Variants in CYP4X1 observed in about 807,000 individuals in gnomAD.
The protein encoded by CYP4X1 is cytochrome P450 4X1.
Under a neutral mutation model 57.9 loss-of-function variants are expected in CYP4X1, and 44 were observed. That is an observed-to-expected ratio of 0.76 (90% CI 0.60 to 0.98). The LOEUF (loss-of-function observed/expected upper bound fraction) is 0.98. Ranked by LOEUF, CYP4X1 falls within the 50% of genes least tolerant of loss-of-function variation. The pLI is 0.00. For synonymous variants in CYP4X1, 227 were observed against 228.6 expected (o/e 0.99, Z 0.06); for missense variants, 532 against 623.9 (o/e 0.85, Z 1.57).
At chr1:47,000,232 C>T in the CYP4X1 span, among the ~76,000 whole-genome samples, 5 of 152,118 alleles carry the variant, frequency 3.3e-5, no homozygotes, top group South Asian at 2.1e-4. Flanking sequence ...ATGTAAGGTG[C>T]GCTTTGACTC....
the CYP4X1 span, among the ~76,000 whole-genome samples, chr1:46,981,179 A>G: frequency 6.6e-6 from 1 of 152,206 alleles, no homozygotes; most frequent in Admixed American, 6.5e-5. Context: ...AGAAACTACC[A>G]TCAGAGTGAA....
At chr1:47,006,929 G>C in the CYP4X1 span, among the ~76,000 whole-genome samples, 1 of 152,194 alleles carries the variant, frequency 6.6e-6, no homozygotes, top group African/African-American at 2.4e-5. Flanking sequence ...AAAGCGGCTG[G>C]GAAGCTCAAA....
At chr1:47,034,961 G>A (rs1056933147) in intron 4 of CYP4X1, among the ~76,000 whole-genome samples, 1 of 151,508 alleles carries the variant, frequency 6.6e-6, no homozygotes, top group Non-Finnish European at 1.5e-5. Flanking sequence ...TAAAACTTAC[G>A]TAATTGAGAA....
chr1:47,044,080 G>T (rs1263271297), intron 8 of CYP4X1, among the ~76,000 whole-genome samples: 1 of 152,058 alleles, frequency 6.6e-6, no homozygotes. Context: ...TAATTCATTT[G>T]TATTCAAGGT....
the CYP4X1 span, among the ~76,000 whole-genome samples, chr1:46,997,790 T>A: frequency 0.36 from 55,357 of 152,060 alleles, 11,160 homozygotes; most frequent in East Asian, 0.57. Flanking sequence ...ATGTTTCCCA[T>A]AGGGTTGGAC....
rs888643210 is a variant in CYP4X1, at chr1:47,050,188, A to C, written c.*14A>C. On this transcript the variant is annotated 3_prime_UTR_variant, in exon 12 of 12. Coordinates refer to ENST00000371901, the MANE Select transcript of CYP4X1 (RefSeq NM_178033.2). ...TCTGAATGTTAGATCTCAGGGTACA[A>C]TGATTAAACGTACTTTGTTTTTCGA... 1.9e-6 allele frequency: 3 copies of C among 1,613,190 alleles called. No homozygotes were observed. The African/African-American group carries it at 4.0e-5, about 22-fold the overall frequency.
the CYP4X1 span, among the ~76,000 whole-genome samples, chr1:46,994,682 G>A: frequency 6.6e-6 from 1 of 152,148 alleles, no homozygotes; most frequent in African/African-American, 2.4e-5. Flanking sequence ...ATCCACCTGG[G>A]GAAATAGCAA....
chr1:47,015,955 AATC>A, the CYP4X1 span, among the ~76,000 whole-genome samples: 1 of 152,142 alleles, frequency 6.6e-6, no homozygotes, highest in Non-Finnish European at 1.5e-5. Flanking sequence ...TCTTGAGAAT[AATC>A]ATCATTTTAT....
the CYP4X1 span, among the ~76,000 whole-genome samples, chr1:47,015,570 A>G: frequency 6.6e-6 from 1 of 152,160 alleles, no homozygotes; most frequent in African/African-American, 2.4e-5. Context: ...AACCAAAACT[A>G]CTGTGTTAAT....
the CYP4X1 span, among the ~76,000 whole-genome samples, chr1:46,966,819 A>G: frequency 9.8e-5 from 15 of 152,346 alleles, no homozygotes; most frequent in African/African-American, 3.4e-4. Flanking sequence ...ACAGAATATT[A>G]AAGAGAAGGG....
chr1:46,963,272 A>T, the CYP4X1 span, among the ~76,000 whole-genome samples: 1 of 152,112 alleles, frequency 6.6e-6, no homozygotes, highest in Non-Finnish European at 1.5e-5. Flanking sequence ...TAATATTGTT[A>T]TGTGTGAATT....
At chr1:46,973,066 G>C in the CYP4X1 span, among the ~76,000 whole-genome samples, 92,288 of 151,862 alleles carry the variant, frequency 0.61, 29,464 homozygotes, top group Non-Finnish European at 0.72. Flanking sequence ...CTGACTGTGG[G>C]TTTGTCCATA....
At chr1:47,008,860 A>G in the CYP4X1 span, among the ~76,000 whole-genome samples, 1 of 152,248 alleles carries the variant, frequency 6.6e-6, no homozygotes, top group Non-Finnish European at 1.5e-5. Flanking sequence ...CAATACAACA[A>G]GAAGAGCTAA....
chr1:47,008,983 C>T, the CYP4X1 span, among the ~76,000 whole-genome samples: 6 of 152,070 alleles, frequency 3.9e-5, no homozygotes, highest in Admixed American at 2.0e-4. Flanking sequence ...ACTTTAACAC[C>T]CCACTGTGAA....
intron 7 of CYP4X1, 27 bp downstream of exon 7, chr1:47,038,793 C>G: frequency 6.3e-7 from 1 of 1,582,296 alleles, no homozygotes; most frequent in East Asian, 2.3e-5. Flanking sequence ...TCTAAGCCTG[C>G]TCAAGTGACC....
In CYP4X1 at chr1:47,043,754, C is replaced by T. The variant is rs11811389; in HGVS notation, c.1074-2713C>T. Among the ~76,000 whole-genome samples, 733 of 152,148 alleles carry T rather than the reference C, an allele frequency of 4.8e-3. 4 individuals are homozygous for T. The highest frequency in any genetic ancestry group is 0.017 in the African/African-American group (693 of 41,526). On this transcript the variant is annotated intron_variant, in intron 8 of 11. Transcript: ENST00000371901. ...TGTTGAATAGGGTTAATATTTAAAG[C>T]TTTATATATTTAGGTGTTCCTATTT...
the CYP4X1 span, among the ~76,000 whole-genome samples, chr1:47,015,343 A>G: frequency 6.6e-6 from 1 of 152,178 alleles, no homozygotes; most frequent in Admixed American, 6.5e-5. Flanking sequence ...TGTAAATTCT[A>G]CTGGTTCCTA....
At chr1:47,023,644 TC>T, upstream of CYP4X1, 1 of 1,333,956 alleles carries the variant, frequency 7.5e-7, no homozygotes, top group Non-Finnish European at 9.6e-7. Context: ...CTGCCTCCTC[TC>T]CCCAGGCCTG....
At chr1:46,997,549 A>G in the CYP4X1 span, among the ~76,000 whole-genome samples, 1 of 152,320 alleles carries the variant, frequency 6.6e-6, no homozygotes, top group South Asian at 2.1e-4. Flanking sequence ...TGCTGTGAAG[A>G]ACATGATTTC....
Sources: gnomAD v4.1 joint callset for allele counts (sites outside exome capture counted in the v4.1 genomes callset) on GRCh38, gnomAD v4.1.1 for gene constraint, MANE v1.5 for transcripts, NCBI Gene and HGNC (gene_info 2026-07-23, HGNC 2026-07-21) for gene names.